ADGRL3: variants seen among roughly 807,000 people sequenced by gnomAD.
The protein encoded by ADGRL3 is adhesion G protein-coupled receptor L3, also known as calcium-independent alpha-latrotoxin receptor 3.
ADGRL3 carries 62 observed loss-of-function variants against 153.5 expected under a neutral mutation model. The observed-to-expected ratio is 0.40, with a 90% CI of 0.33 to 0.50. The LOEUF (loss-of-function observed/expected upper bound fraction) is 0.50, where lower values mean the gene tolerates loss of function less well. Ranked by LOEUF, ADGRL3 falls within the 20% of genes least tolerant of loss-of-function variation. The pLI, the probability that ADGRL3 is intolerant of heterozygous loss-of-function variation, is 0.47. For missense variants in ADGRL3, 1,641 were observed against 1,859.4 expected (o/e 0.88, Z 2.16); for synonymous variants, 710 against 672.5 (o/e 1.06, Z -0.86).
chr4:62,002,847 G>A (rs1275483536), intron 21 of ADGRL3, among the ~76,000 whole-genome samples: 1 of 152,006 alleles, frequency 6.6e-6, no homozygotes, highest in East Asian at 1.9e-4. Flanking sequence ...AATAGTATAT[G>A]TAAATATGAA....
At chr4:61,277,610 G>A (rs1242264068) in intron 1 of ADGRL3, among the ~76,000 whole-genome samples, 6 of 152,148 alleles carry the variant, frequency 3.9e-5, no homozygotes, top group Middle Eastern at 3.4e-3. Context: ...AAAAATGCTT[G>A]AATAGGAGTC....
intron 8 of ADGRL3, among the ~76,000 whole-genome samples, chr4:61,800,518 T>G (rs1393087363): frequency 6.6e-6 from 1 of 152,124 alleles, no homozygotes; most frequent in East Asian, 1.9e-4. Flanking sequence ...AAAAGCAGAG[T>G]GGCATTTAGT....
intron 9 of ADGRL3, among the ~76,000 whole-genome samples, chr4:61,880,754 G>T (rs1006333876): frequency 6.6e-6 from 1 of 152,074 alleles, no homozygotes; most frequent in Non-Finnish European, 1.5e-5. Context: ...CAATTTTTTT[G>T]TGGTTTCACT....
At chr4:61,678,754 C>G (rs980241195) in intron 6 of ADGRL3, among the ~76,000 whole-genome samples, 1 of 151,966 alleles carries the variant, frequency 6.6e-6, no homozygotes, top group Non-Finnish European at 1.5e-5. Context: ...GTTATACTCA[C>G]TTGCCAGTTT....
intron 17 of ADGRL3, among the ~76,000 whole-genome samples, chr4:61,970,839 C>A (rs2099024371): frequency 6.6e-6 from 1 of 152,108 alleles, no homozygotes; most frequent in Admixed American, 6.6e-5. Flanking sequence ...GACCATTAAT[C>A]CTTTCACTTT....
chr4:61,234,674 A>G (rs1413992204), intron 1 of ADGRL3, among the ~76,000 whole-genome samples: 1 of 152,152 alleles, frequency 6.6e-6, no homozygotes, highest in East Asian at 1.9e-4. Flanking sequence ...TTAGAATAGA[A>G]GGAAAGAAAA....
intron 1 of ADGRL3, among the ~76,000 whole-genome samples, chr4:61,282,272 T>C (rs962765632): frequency 2.0e-5 from 3 of 152,020 alleles, no homozygotes; most frequent in African/African-American, 4.8e-5. Flanking sequence ...GATAATAGAA[T>C]TTTCAGCTAA....
At chr4:61,708,801 A>ATTATTTAT (rs1180622737) in intron 6 of ADGRL3, among the ~76,000 whole-genome samples, 2 of 151,698 alleles carry the variant, frequency 1.3e-5, no homozygotes, top group Admixed American at 6.6e-5. Flanking sequence ...AACTTTATTC[A>ATTATTTAT]TTATTTATTT....
chr4:61,964,467 G>A (rs1414318598), intron 17 of ADGRL3, among the ~76,000 whole-genome samples: 2 of 152,058 alleles, frequency 1.3e-5, no homozygotes, highest in Non-Finnish European at 2.9e-5. Context: ...AAAGAGAAAT[G>A]TTTAGGCCAG....
intron 1 of ADGRL3, among the ~76,000 whole-genome samples, chr4:61,362,313 G>A (rs140614986): frequency 0.013 from 2,009 of 149,838 alleles, 21 homozygotes; most frequent in Non-Finnish European, 0.023. Flanking sequence ...TGATACGATC[G>A]AATATTTGAA....
chr4:61,937,250 G>A (rs971154966), intron 15 of ADGRL3, among the ~76,000 whole-genome samples: 1 of 151,962 alleles, frequency 6.6e-6, no homozygotes, highest in Non-Finnish European at 1.5e-5. Context: ...GACTTAACTA[G>A]GCCCGCCACA....
At chr4:61,495,145 G>T (rs2152800871) in intron 2 of ADGRL3, among the ~76,000 whole-genome samples, 1 of 152,204 alleles carries the variant, frequency 6.6e-6, no homozygotes, top group Admixed American at 6.5e-5. Context: ...TAAATGACTT[G>T]CCCAACGTAG....
At chr4:61,578,018 A>G (rs1714293282) in intron 4 of ADGRL3, among the ~76,000 whole-genome samples, 1 of 152,116 alleles carries the variant, frequency 6.6e-6, no homozygotes, top group African/African-American at 2.4e-5. Flanking sequence ...GCCAAGCACA[A>G]TAAGTTGAAT....
chr4:61,477,926 A>C (rs184704352), intron 2 of ADGRL3, among the ~76,000 whole-genome samples: 3 of 152,218 alleles, frequency 2.0e-5, no homozygotes, highest in African/African-American at 7.2e-5. Flanking sequence ...TCTTCAAAAA[A>C]AGGCTTGAAA....
intron 2 of ADGRL3, chr4:61,385,860 A>T (rs959039390): frequency 6.6e-6 from 1 of 152,114 alleles, no homozygotes; most frequent in Non-Finnish European, 1.5e-5. Context: ...ATGTATATGC[A>T]TATGTATAGA....
rs77755466 is a variant in ADGRL3, at chr4:61,488,582, C to T, written c.-173-8539C>T. On this transcript the variant is annotated intron_variant, in intron 2 of 26. Transcript: ENST00000683033. ...GTCACTTTATACCTGAACTACTCTC[C>T]CTACTCCCAATTTGATTCAACTTTT... Among the ~76,000 whole-genome samples the T allele has an allele frequency of 4.1e-3, 627 of 152,044 alleles. 7 individuals are homozygous for T. The highest frequency in any genetic ancestry group is 0.014 in the African/African-American group (566 of 41,504).
intron 17 of ADGRL3, among the ~76,000 whole-genome samples, chr4:61,974,826 C>T (rs1262529543): frequency 6.6e-6 from 1 of 152,168 alleles, no homozygotes; most frequent in African/African-American, 2.4e-5. Context: ...TATGATGTAA[C>T]AACCTTCTTA....
intron 1 of ADGRL3, among the ~76,000 whole-genome samples, chr4:61,204,779 C>G (rs1577844446): frequency 6.6e-6 from 1 of 152,008 alleles, no homozygotes; most frequent in Non-Finnish European, 1.5e-5. Context: ...TAGGCTGCAT[C>G]AGGCATCCCC....
chr4:61,726,199 C>CTTTTTTTTTGTTTTTTTTTTTTT (rs2096334403), intron 6 of ADGRL3, among the ~76,000 whole-genome samples: 1 of 82,942 alleles, frequency 1.2e-5, no homozygotes, highest in African/African-American at 4.5e-5. Context: ...CTCACTGGAA[C>CTTTTTTTTTGTTTTTTTTTTTTT]TTTTTTTTTT....
Sources: gnomAD v4.1 joint callset for allele counts (sites outside exome capture counted in the v4.1 genomes callset) on GRCh38, gnomAD v4.1.1 for gene constraint, MANE v1.5 for transcripts, NCBI Gene and HGNC (gene_info 2026-07-23, HGNC 2026-07-21) for gene names.